Variants in MYBPC1 observed in about 807,000 individuals in gnomAD.
The protein encoded by MYBPC1 is myosin binding protein C1.
In MYBPC1, 52 loss-of-function variants were observed where a neutral mutation model predicts 147.1. That is an observed-to-expected ratio of 0.35 (90% CI 0.28 to 0.45). The LOEUF (loss-of-function observed/expected upper bound fraction) is 0.45, where lower values mean the gene tolerates loss of function less well. Among genes scored for constraint, MYBPC1 ranks in the 20% least tolerant of loss-of-function variants. MYBPC1 has a pLI of 1.00. For missense variants in MYBPC1, 1,228 were observed against 1,440.3 expected, an observed-to-expected ratio of 0.85 and a Z score of 2.39; for synonymous variants, 477 against 475.9, an observed-to-expected ratio of 1.00 and a Z score of -0.03.
At chr12:101,601,714 T>A (rs1197603094) in intron 1 of MYBPC1, among the ~76,000 whole-genome samples, 1 of 152,102 alleles carries the variant, frequency 6.6e-6, no homozygotes, top group Non-Finnish European at 1.5e-5. Context: ...TTAGATCTTA[T>A]GATTTTGTTC....
At chr12:101,632,282 T>A (rs371739763) in intron 8 of MYBPC1, 144 bp downstream of exon 8, 1 of 694,744 alleles carries the variant, frequency 1.4e-6, no homozygotes, top group Admixed American at 2.2e-5. Flanking sequence ...CTCAGCAAGC[T>A]TGCTGAATTG....
chr12:101,627,696 A>G, intron 4 of MYBPC1, 73 bp from the exon 5 acceptor site: 1 of 1,525,522 alleles, frequency 6.6e-7, no homozygotes, highest in Admixed American at 1.7e-5. Flanking sequence ...GAATCCAAGA[A>G]GGTTGAAGTC....
At chr12:101,652,966 A>T in intron 17 of MYBPC1, 149 bp from the exon 18 acceptor site, 1 of 1,197,722 alleles carries the variant, frequency 8.3e-7, no homozygotes, top group Non-Finnish European at 1.2e-6. Context: ...TGGTTTTGCA[A>T]GGTGCCAGGC....
intron 13 of MYBPC1, among the ~76,000 whole-genome samples, chr12:101,647,495 G>T (rs1434516816): frequency 1.3e-5 from 2 of 152,182 alleles, no homozygotes; most frequent in Admixed American, 1.3e-4. Flanking sequence ...AACAATAATT[G>T]ATTTGACTTG....
intron 2 of MYBPC1, 94 bp from the exon 3 acceptor site, chr12:101,617,108 T>C (rs1324256583): frequency 8.7e-6 from 10 of 1,152,146 alleles, no homozygotes; most frequent in African/African-American, 1.5e-5. Flanking sequence ...TCTGCTGTCA[T>C]TTATTTCTTC....
chr12:101,644,969 T>C (rs762093412), intron 12 of MYBPC1, among the ~76,000 whole-genome samples, 173 bp downstream of exon 12: 19 of 152,250 alleles, frequency 1.2e-4, no homozygotes, highest in Non-Finnish European at 2.4e-4. Context: ...ATGATAGTTC[T>C]ATATAAACTA....
intron 2 of MYBPC1, among the ~76,000 whole-genome samples, chr12:101,615,523 T>C (rs148983667): frequency 6.6e-6 from 1 of 152,164 alleles, no homozygotes; most frequent in Admixed American, 6.5e-5. Flanking sequence ...CCAGATGTAG[T>C]GGGGAACTCT....
At chr12:101,680,245 T>C (rs1243315027) in intron 28 of MYBPC1, 98 bp from the exon 29 acceptor site, 2 of 1,188,954 alleles carry the variant, frequency 1.7e-6, no homozygotes, top group Admixed American at 2.0e-5. Context: ...ACTTTCTTTT[T>C]AAGCCATGCT....
intron 1 of MYBPC1, among the ~76,000 whole-genome samples, chr12:101,608,390 T>C (rs1434133150): frequency 6.6e-6 from 1 of 152,242 alleles, no homozygotes; most frequent in African/African-American, 2.4e-5. Context: ...CCTGTTAGCA[T>C]GTTTTCTAAA....
At chr12:101,667,266 T>C (rs186008288) in intron 22 of MYBPC1, among the ~76,000 whole-genome samples, 1 of 134,424 alleles carries the variant, frequency 7.4e-6, no homozygotes, top group Non-Finnish European at 1.6e-5. Context: ...TGTCTTACAA[T>C]AGTAAATCAG....
At chr12:101,646,919 G>C in intron 13 of MYBPC1, 32 bp downstream of exon 13, 2 of 1,613,232 alleles carry the variant, frequency 1.2e-6, no homozygotes, top group Non-Finnish European at 1.7e-6. Context: ...GTGGTCACCA[G>C]GAGCTGTTGG....
At chr12:101,641,712 G>C (rs1892082530) in intron 10 of MYBPC1, among the ~76,000 whole-genome samples, 1 of 151,708 alleles carries the variant, frequency 6.6e-6, no homozygotes, top group Admixed American at 6.6e-5. Context: ...TGAAATGTAA[G>C]AAAATTTTTA....
intron 18 of MYBPC1, among the ~76,000 whole-genome samples, chr12:101,657,255 T>C (rs1378184939): frequency 1.3e-5 from 2 of 152,024 alleles, no homozygotes; most frequent in Non-Finnish European, 2.9e-5. Flanking sequence ...TATTTAAAAA[T>C]AAGAAAGACC....
chr12:101,611,962 A>T (rs1884441014), intron 1 of MYBPC1, among the ~76,000 whole-genome samples: 1 of 152,096 alleles, frequency 6.6e-6, no homozygotes. Context: ...CTATAGTCCC[A>T]GCTACTCGGG....
intron 1 of MYBPC1, among the ~76,000 whole-genome samples, chr12:101,597,073 G>A (rs555800663): frequency 6.6e-6 from 1 of 152,262 alleles, no homozygotes; most frequent in South Asian, 2.1e-4. Flanking sequence ...TGAAATAATT[G>A]CATTTTAATA....
chr12:101,673,605 T>C lies in MYBPC1; in HGVS notation c.2792T>C (p.Ile931Thr), dbSNP rs757941189. The C allele has an allele frequency of 8.1e-6, 13 of 1,614,060 alleles. No homozygotes were observed. Among genetic ancestry groups the C allele is most frequent in the East Asian group, 4.5e-5 (2 of 44,896 alleles). ...KVDKFVETASIDIQIIDRPGP... is the reference protein window; with the variant it reads ...KVDKFVETASTDIQIIDRPGP... ...GACAAATTCGTGGAGACCGCATCAATTGACATCCAGATCATTGGTAGGTTT... is the reference window on the plus strand; with the variant it reads ...GACAAATTCGTGGAGACCGCATCAACTGACATCCAGATCATTGGTAGGTTT... Residue 931 changes from isoleucine to threonine, a missense_variant, in exon 25 of 32, where the codon ATT (isoleucine) becomes ACT (threonine). This residue lies in a region of MYBPC1 where 1,077 missense variants were observed against 1,314.2 expected (regional missense o/e 0.82). Transcript: ENST00000361466.
In MYBPC1 at chr12:101,669,940, GA is replaced by G. The variant is rs769563757; in HGVS notation, c.2525-370del. 461 of 188,474 alleles carry G rather than the reference GA, an allele frequency of 2.4e-3. 2 individuals carry two copies. The highest frequency in any genetic ancestry group is 4.2e-3 in the African/African-American group (116 of 27,768). 11.7% of individuals were successfully genotyped at this position (188,474 alleles called of 1,614,324 possible). ...AGAGAGACTCTCTGAAAAAAAAAAA[GA>G]AAAAAAAAAAGAAACTATGAAAAGT... On this transcript the variant is annotated intron_variant, in intron 23 of 31. Coordinates refer to ENST00000361466, the MANE Select transcript of MYBPC1 (RefSeq NM_002465.4).
Position 101,604,498 on chromosome 12 carries a change from A to C in MYBPC1, c.25+9403A>C, listed in dbSNP as rs896190017. Reference sequence around the variant, plus strand: ...CATTCTGAATAGCTGGATTCTCTGCACAGCTAAAGGTTAATTTTGTTATAT... The same window carrying C: ...CATTCTGAATAGCTGGATTCTCTGCCCAGCTAAAGGTTAATTTTGTTATAT... On this transcript the variant is annotated intron_variant, in intron 1 of 31. Transcript: ENST00000361466. 2.6e-5 allele frequency among the ~76,000 whole-genome samples: 4 copies of C among 152,244 alleles called. No homozygotes were observed. The East Asian group carries it at 7.7e-4, about 29-fold the overall frequency.
chr12:101,609,274 T>A (rs909650690), intron 1 of MYBPC1, among the ~76,000 whole-genome samples: 1 of 152,006 alleles, frequency 6.6e-6, no homozygotes, highest in Non-Finnish European at 1.5e-5. Context: ...ATGCAGAATC[T>A]TTTTAGTTTT....
Sources: allele counts gnomAD v4.1 joint callset (sites outside exome capture counted in the v4.1 genomes callset), GRCh38; gene constraint gnomAD v4.1.1; regional missense constraint gnomAD v4.1.1; transcripts MANE v1.5; gene names NCBI Gene and HGNC (gene_info 2026-07-23, HGNC 2026-07-21).